ZC3H18: variants seen among roughly 807,000 people sequenced by gnomAD.
ZC3H18 encodes the protein zinc finger CCCH-type containing 18, also known as zinc finger CCCH domain-containing protein 18.
ZC3H18 carries 8 observed loss-of-function variants against 106.1 expected under a neutral mutation model. The ratio of observed to expected loss-of-function variants is 0.08; its 90% CI spans 0.04 to 0.14. The LOEUF is 0.14. Among genes scored for constraint, ZC3H18 ranks in the 10% least tolerant of loss-of-function variants. ZC3H18 has a pLI of 1.00. For missense variants in ZC3H18, 1,318 were observed against 1,278.4 expected (o/e 1.03, Z -0.47); for synonymous variants, 635 against 522.1 (o/e 1.22, Z -2.95).
intron 1 of ZC3H18, among the ~76,000 whole-genome samples, chr16:88,571,227 C>G (rs771246083): frequency 6.6e-6 from 1 of 152,238 alleles, no homozygotes; most frequent in Non-Finnish European, 1.5e-5. Flanking sequence ...TTTATGACAA[C>G]TGAGTTTGCC....
chr16:88,579,544 C>T (rs1914980895), intron 2 of ZC3H18, among the ~76,000 whole-genome samples: 1 of 152,154 alleles, frequency 6.6e-6, no homozygotes, highest in Admixed American at 6.5e-5. Flanking sequence ...GCACCATGGG[C>T]GCGGGCGGTG....
At position 88,627,753 on chromosome 16, in the gene ZC3H18, C is replaced by T. The variant is rs142295038; in HGVS notation, c.2240C>T (p.Pro747Leu). Residue 747 changes from proline to leucine, a missense_variant, in exon 14 of 18, where the codon CCG (proline) becomes CTG (leucine). This residue lies in a region of ZC3H18 where 848 missense variants were observed against 821.7 expected (regional missense o/e 1.03). Transcript: ENST00000301011. This position sits in a 1 kb window ranked among gnomAD's most constrained non-coding sequence, Gnocchi z 4.5. ...SPVSSASSRS[P>L]APAQTRKEKG... Reference sequence around the variant, plus strand: ...GTGTCCTCAGCCAGCTCTCGGTCCCCGGCCCCAGCCCAGACCAGGAAGGAG... The same window carrying T: ...GTGTCCTCAGCCAGCTCTCGGTCCCTGGCCCCAGCCCAGACCAGGAAGGAG... The T allele has an allele frequency of 1.5e-4, 237 of 1,612,540 alleles. 2 individuals carry two copies. The highest frequency in any genetic ancestry group is 5.3e-5 in the African/African-American group (4 of 74,914).
rs1300614082 is a variant in ZC3H18, at chr16:88,611,656, G to T, written c.1475+120G>T. The T allele has an allele frequency of 4.3e-6, 6 of 1,403,656 alleles. No homozygotes were observed. The East Asian group carries it at 1.3e-4, about 29-fold the overall frequency. The allele number at this position is 1,403,656 out of a possible 1,614,324, so 87.0% of individuals were successfully genotyped here. Reference sequence around the variant, plus strand: ...CACAGCTCTGGAGCCCAGGGGACCAGTGCAGGCCCACAGCCCGAGCCCATA... The same window carrying T: ...CACAGCTCTGGAGCCCAGGGGACCATTGCAGGCCCACAGCCCGAGCCCATA... On this transcript the variant is annotated intron_variant, in intron 8 of 17. Coordinates refer to ENST00000301011, the MANE Select transcript of ZC3H18 (RefSeq NM_144604.4).
chr16:88,574,162 A>G (rs1443112088), intron 1 of ZC3H18, among the ~76,000 whole-genome samples: 4 of 152,072 alleles, frequency 2.6e-5, no homozygotes, highest in African/African-American at 9.7e-5. Flanking sequence ...GGCGTGAGCC[A>G]CCACCCTTGG....
chr16:88,578,498 A>G (rs1914902031), intron 2 of ZC3H18, among the ~76,000 whole-genome samples: 3 of 151,272 alleles, frequency 2.0e-5, no homozygotes, highest in South Asian at 4.2e-4. Context: ...GGAGGTGAGC[A>G]AGGGACAGAG....
intron 16 of ZC3H18, among the ~76,000 whole-genome samples, 154 bp downstream of exon 16, chr16:88,629,008 G>C (rs1407761033): frequency 1.3e-5 from 2 of 152,252 alleles, no homozygotes; most frequent in Non-Finnish European, 2.9e-5. Flanking sequence ...TTAGGGTGTT[G>C]AAAACTAAAA....
chr16:88,594,443 G>C (rs1904330030), intron 3 of ZC3H18, among the ~76,000 whole-genome samples: 1 of 152,188 alleles, frequency 6.6e-6, no homozygotes, highest in African/African-American at 2.4e-5. Flanking sequence ...TGTGTGGGCT[G>C]TGCTGGAGCA....
intron 2 of ZC3H18, among the ~76,000 whole-genome samples, chr16:88,578,429 T>G (rs754909497): frequency 2.0e-5 from 3 of 152,142 alleles, no homozygotes; most frequent in Non-Finnish European, 2.9e-5. Flanking sequence ...TATGAGTGTT[T>G]CGGGAGAAAC....
chr16:88,615,878 C>T (rs1385052367), intron 8 of ZC3H18, among the ~76,000 whole-genome samples: 1 of 152,212 alleles, frequency 6.6e-6, no homozygotes, highest in Non-Finnish European at 1.5e-5. Context: ...GGGATGTTTT[C>T]TGTGTACAAG....
chr16:88,607,747 C>T (rs1020351505), intron 6 of ZC3H18, among the ~76,000 whole-genome samples: 3 of 151,780 alleles, frequency 2.0e-5, no homozygotes, highest in African/African-American at 7.3e-5. Flanking sequence ...CAGGCATCTC[C>T]CCATTTATTC....
At position 88,599,870 on chromosome 16, in the gene ZC3H18, A is replaced by G; in HGVS notation, c.1010A>G (p.Asp337Gly). The change falls in exon 6 of 18, where the codon GAC becomes GGC. Residue 337 changes from aspartate (D) to glycine (G), a missense_variant. This residue lies in a region of ZC3H18 where 848 missense variants were observed against 821.7 expected (regional missense o/e 1.03). Transcript: ENST00000301011. ...EKRFTVTIGE[D>G]EREFDKENEV... ...AGGTTTACGGTGACCATTGGCGAAG[A>G]CGAACGGGAATTTGACAAAGAAAAT... 6.2e-7 allele frequency: 1 copy of G among 1,614,230 alleles called. No homozygotes were observed. The highest frequency in any genetic ancestry group is 8.5e-7 in the Non-Finnish European group (1 of 1,180,042).
intron 6 of ZC3H18, among the ~76,000 whole-genome samples, chr16:88,605,433 A>C (rs1240149325): frequency 6.6e-6 from 1 of 152,228 alleles, no homozygotes; most frequent in Non-Finnish European, 1.5e-5. Context: ...GGGTGAGGGC[A>C]AGAGGCAGCA....
At position 88,631,212 on chromosome 16, in the gene ZC3H18, G is replaced by C. The variant is rs1245104118; in HGVS notation, c.2775G>C (p.Leu925=). ...CCAAATCAGGGAAGGCCAGCACGCT[G>C]TCTCGGCGGGAGGAGCTGCTGAAAC... ...ASTKSGKAST[L]SRREELLKQL... The change falls in exon 18 of 18, where the codon CTG becomes CTC. Residue 925 remains leucine (L), a synonymous_variant. Transcript: ENST00000301011. 4.3e-6 allele frequency: 7 copies of C among 1,613,708 alleles called. No individual in the cohort carries two copies. In the Admixed American group the frequency reaches 5.0e-5, roughly 12 times the overall value.
intron 2 of ZC3H18, among the ~76,000 whole-genome samples, chr16:88,580,196 G>A (rs1915030361): frequency 1.1e-5 from 1 of 89,828 alleles, no homozygotes. Flanking sequence ...GTGTGTGTGT[G>A]TGTGTGTGTG....
At chr16:88,591,207 T>C (rs1469156396) in intron 3 of ZC3H18, among the ~76,000 whole-genome samples, 1 of 151,990 alleles carries the variant, frequency 6.6e-6, no homozygotes, top group East Asian at 2.0e-4. Flanking sequence ...CCTGACCTCG[T>C]GATCTGCCCT....
intron 10 of ZC3H18, 97 bp downstream of exon 10, chr16:88,623,441 G>T (rs1906096960): frequency 2.0e-6 from 3 of 1,495,048 alleles, no homozygotes; most frequent in South Asian, 2.5e-5. Context: ...GCCCCTTGGG[G>T]TATTGAAGGT....
chr16:88,624,540 G>A, intron 11 of ZC3H18, 62 bp from the exon 12 acceptor site: 1 of 1,611,114 alleles, frequency 6.2e-7, no homozygotes, highest in East Asian at 2.2e-5. Flanking sequence ...ATTGAAAGGG[G>A]ATGTAGGCCA....
chr16:88,613,761 A>G (rs1905406399), intron 8 of ZC3H18, among the ~76,000 whole-genome samples: 1 of 152,140 alleles, frequency 6.6e-6, no homozygotes, highest in African/African-American at 2.4e-5. Context: ...TGCAGTTCCA[A>G]TTAATGTTTT....
At chr16:88,604,581 G>T (rs1904918592) in intron 6 of ZC3H18, among the ~76,000 whole-genome samples, 1 of 151,680 alleles carries the variant, frequency 6.6e-6, no homozygotes, top group South Asian at 2.1e-4. Context: ...AGCTACTCGG[G>T]AGGCTGAGGC....
Sources: allele counts gnomAD v4.1 joint callset (sites outside exome capture counted in the v4.1 genomes callset), GRCh38; gene constraint gnomAD v4.1.1; regional missense constraint gnomAD v4.1.1; non-coding constraint Gnocchi (gnomAD v3.1); transcripts MANE v1.5; gene names NCBI Gene and HGNC (gene_info 2026-07-23, HGNC 2026-07-21).